RMST: variants seen among roughly 807,000 people sequenced by gnomAD.
RMST encodes rhabdomyosarcoma 2 associated transcript.
At chr12:97,497,299 T>C (rs1877537246) in intron 10 of RMST, among the ~76,000 whole-genome samples, 1 of 152,222 alleles carries the variant, frequency 6.6e-6, no homozygotes, top group Non-Finnish European at 1.5e-5. Flanking sequence ...GGTCCCTCTG[T>C]CTTAGTAATT....
At chr12:97,539,353 C>T (rs1303226826) in intron 11 of RMST, among the ~76,000 whole-genome samples, 1 of 151,544 alleles carries the variant, frequency 6.6e-6, no homozygotes, top group East Asian at 1.9e-4. Flanking sequence ...TTCTTTGTTA[C>T]AGAACCAAAG....
intron 5 of RMST, among the ~76,000 whole-genome samples, chr12:97,489,020 A>G (rs1039098992): frequency 2.6e-5 from 4 of 152,372 alleles, no homozygotes; most frequent in African/African-American, 9.6e-5. Context: ...TAATTGCACA[A>G]TTGTTAAAAT....
At chr12:97,512,839 G>T (rs1024427943) in intron 10 of RMST, among the ~76,000 whole-genome samples, 2 of 151,834 alleles carry the variant, frequency 1.3e-5, no homozygotes, top group African/African-American at 4.8e-5. Flanking sequence ...AGCAGGGGGC[G>T]GCGTGTCGGG....
At chr12:97,506,689 T>G (rs951409085) in intron 10 of RMST, among the ~76,000 whole-genome samples, 6 of 145,404 alleles carry the variant, frequency 4.1e-5, no homozygotes, top group African/African-American at 1.0e-4. Context: ...TTTTTTTTTT[T>G]TTTTTTTTTT....
intron 5 of RMST, among the ~76,000 whole-genome samples, chr12:97,487,763 C>A (rs1035576514): frequency 6.6e-6 from 1 of 152,176 alleles, no homozygotes; most frequent in African/African-American, 2.4e-5. Flanking sequence ...TCCAATGAAA[C>A]CAGGTTGCCA....
intron 10 of RMST, among the ~76,000 whole-genome samples, chr12:97,526,290 C>A (rs1881105840): frequency 6.6e-6 from 1 of 151,994 alleles, no homozygotes. Context: ...TTGTTCTGCA[C>A]CATTCTTCTT....
chr12:97,510,432 G>T (rs1370926365), intron 10 of RMST, among the ~76,000 whole-genome samples: 1 of 152,130 alleles, frequency 6.6e-6, no homozygotes, highest in Non-Finnish European at 1.5e-5. Context: ...AAAATGAATT[G>T]AGCATCCACA....
At chr12:97,493,040 G>A (rs1162582937) in intron 6 of RMST, 2 of 152,226 alleles carry the variant, frequency 1.3e-5, no homozygotes, top group Non-Finnish European at 2.9e-5. Context: ...CAGTAGTAAT[G>A]GCTCAGAAAA....
chr12:97,540,533 G>C (rs571788946), intron 11 of RMST, among the ~76,000 whole-genome samples: 1 of 151,770 alleles, frequency 6.6e-6, no homozygotes, highest in Admixed American at 6.6e-5. Flanking sequence ...CAGACAAATG[G>C]GACTTGAATT....
chr12:97,560,230 T>C (rs1324567787), intron 11 of RMST, among the ~76,000 whole-genome samples: 1 of 152,188 alleles, frequency 6.6e-6, no homozygotes, highest in Non-Finnish European at 1.5e-5. Context: ...AACACGTTCA[T>C]AATTAGAAGA....
At chr12:97,537,489 A>G (rs1882160631) in intron 11 of RMST, among the ~76,000 whole-genome samples, 1 of 151,364 alleles carries the variant, frequency 6.6e-6, no homozygotes, top group Non-Finnish European at 1.5e-5. Context: ...GGAGATTTTT[A>G]CTCATTGACA....
In RMST at chr12:97,504,729, A is replaced by G. The variant is rs191759587; in HGVS notation, n.1340+8673A>G. Among the ~76,000 whole-genome samples the G allele has an allele frequency of 6.6e-3, 1,009 of 152,328 alleles. 35 individuals are homozygous for G. Among genetic ancestry groups the G allele is most frequent in the Admixed American group, 0.059 (909 of 15,306 alleles). On this transcript the variant is annotated intron_variant and non_coding_transcript_variant, in intron 10 of 13. Transcript: ENST00000640149. ...AGATTTGCCTGAAGGGGTCACTTACATTTATTTTAAATATTTGTTTTCACT... is the reference window on the plus strand; with the variant it reads ...AGATTTGCCTGAAGGGGTCACTTACGTTTATTTTAAATATTTGTTTTCACT...
intron 11 of RMST, among the ~76,000 whole-genome samples, chr12:97,557,756 G>A: frequency 6.6e-6 from 1 of 152,106 alleles, no homozygotes; most frequent in East Asian, 1.9e-4. Flanking sequence ...TTGGAAGATG[G>A]CTGTGGAATG....
chr12:97,464,420 G>A (rs1480434817), intron 4 of RMST, among the ~76,000 whole-genome samples: 4 of 152,126 alleles, frequency 2.6e-5, no homozygotes, highest in Admixed American at 6.5e-5. Flanking sequence ...AGATCCATTC[G>A]GAGCTTCCTG....
At chr12:97,479,157 T>TG (rs1874918454) in intron 5 of RMST, among the ~76,000 whole-genome samples, 1 of 138,186 alleles carries the variant, frequency 7.2e-6, no homozygotes, top group African/African-American at 2.7e-5. Context: ...TTTTTTTTTT[T>TG]GAGACAAGGT....
chr12:97,523,629 A>G (rs994528052), intron 10 of RMST, among the ~76,000 whole-genome samples: 1 of 152,202 alleles, frequency 6.6e-6, no homozygotes, highest in Non-Finnish European at 1.5e-5. Context: ...AAAAAGAATG[A>G]TACAATTTTT....
chr12:97,559,416 T>C (rs1389422036), intron 11 of RMST, among the ~76,000 whole-genome samples: 1 of 152,148 alleles, frequency 6.6e-6, no homozygotes, highest in Non-Finnish European at 1.5e-5. Flanking sequence ...GTACTGGTAA[T>C]CTCCACTTAC....
intron 11 of RMST, among the ~76,000 whole-genome samples, chr12:97,540,242 G>A (rs1882398224): frequency 1.3e-5 from 2 of 151,688 alleles, no homozygotes; most frequent in Admixed American, 1.3e-4. Flanking sequence ...AGAGTGAACA[G>A]TGGTTACCAT....
At chr12:97,554,637 ATAAAAAGTCAAT>A (rs557598708) in intron 11 of RMST, among the ~76,000 whole-genome samples, 96 of 152,334 alleles carry the variant, frequency 6.3e-4, no homozygotes, top group Admixed American at 5.7e-3. Flanking sequence ...TGAGATAGAA[ATAAAAAGTCAAT>A]TAAAAGCTAG....
Sources: allele counts gnomAD v4.1 joint callset (sites outside exome capture counted in the v4.1 genomes callset), GRCh38; gene constraint gnomAD v4.1.1; transcripts MANE v1.5; gene names NCBI Gene and HGNC (gene_info 2026-07-23, HGNC 2026-07-21).